Variants in CACNG5 observed in about 807,000 individuals in gnomAD.
The protein encoded by CACNG5 is calcium voltage-gated channel auxiliary subunit gamma 5, also known as voltage-dependent calcium channel gamma-5 subunit.
Under a neutral mutation model 24.8 loss-of-function variants are expected in CACNG5, and 18 were observed. That is an observed-to-expected ratio of 0.73 (90% confidence interval 0.50 to 1.08). CACNG5 has a LOEUF of 1.08. Ranked by LOEUF, CACNG5 falls within the 50% of genes least tolerant of loss-of-function variation. The pLI is 0.00. For synonymous variants in CACNG5, 157 were observed against 149.1 expected (o/e 1.05, Z -0.39); for missense variants, 349 against 367.9 (o/e 0.95, Z 0.42).
intron 1 of CACNG5, among the ~76,000 whole-genome samples, chr17:66,859,187 T>C (rs1037271773): frequency 6.6e-6 from 1 of 152,194 alleles, no homozygotes; most frequent in Non-Finnish European, 1.5e-5. Context: ...GTAAAGTTTT[T>C]TTCTCTCCTT....
intron 1 of CACNG5, among the ~76,000 whole-genome samples, chr17:66,867,180 T>C (rs1178110483): frequency 1.3e-5 from 2 of 152,254 alleles, no homozygotes; most frequent in African/African-American, 2.4e-5. Context: ...CATGAGATGG[T>C]ATCTCATTGT....
rs531517106 is a variant in CACNG5, at chr17:66,884,634, C to T, written c.543C>T (p.Phe181=). The part of the protein sequence containing the change: ...FNYKYGWSFA[F]AAISFLLTES... ...ACAAGTATGGGTGGTCGTTTGCCTT[C>T]GCCGCCATCTCCTTCCTTTTAACGG... The change falls in exon 5 of 6, where the codon TTC becomes TTT. Residue 181 remains phenylalanine (F), a synonymous_variant. Coordinates refer to ENST00000533854, the MANE Select transcript of CACNG5 (RefSeq NM_145811.3). The T allele has an allele frequency of 7.4e-6, 12 of 1,614,146 alleles. No individual in the cohort carries two copies. Among genetic ancestry groups the T allele is most frequent in the African/African-American group, 5.3e-5 (4 of 75,046 alleles).
At chr17:66,858,698 C>T in intron 1 of CACNG5, among the ~76,000 whole-genome samples, 1 of 143,586 alleles carries the variant, frequency 7.0e-6, no homozygotes. Context: ...CCCACCTTCT[C>T]ACCAACTGTC....
chr17:66,871,530 T>C (rs1304357540), intron 1 of CACNG5, among the ~76,000 whole-genome samples: 1 of 152,184 alleles, frequency 6.6e-6, no homozygotes, highest in Non-Finnish European at 1.5e-5. Context: ...TATTATTGGC[T>C]TGAGCAGGGG....
chr17:66,884,800 T>C, intron 5 of CACNG5, 139 bp downstream of exon 5: 1 of 1,613,258 alleles, frequency 6.2e-7, no homozygotes, highest in Non-Finnish European at 8.5e-7. Context: ...CCCTTCCTCA[T>C]CCCAGAATGT....
chr17:66,877,133 C>G, intron 1 of CACNG5, 97 bp from the exon 2 acceptor site: 1 of 560,958 alleles, frequency 1.8e-6, no homozygotes, highest in Non-Finnish European at 3.2e-6. Context: ...GTTGCAGTGA[C>G]CTGGTGTCCA....
intron 1 of CACNG5, among the ~76,000 whole-genome samples, chr17:66,857,374 C>T (rs1381756444): frequency 1.3e-5 from 2 of 151,942 alleles, no homozygotes; most frequent in Non-Finnish European, 2.9e-5. Flanking sequence ...CTGGCTGGTC[C>T]GTACACCAGC....
intron 4 of CACNG5, among the ~76,000 whole-genome samples, chr17:66,883,075 A>G (rs932386879): frequency 1.3e-5 from 2 of 152,110 alleles, no homozygotes; most frequent in Non-Finnish European, 2.9e-5. Flanking sequence ...TCTTCCATCT[A>G]TCAACCCATC....
intron 4 of CACNG5, among the ~76,000 whole-genome samples, chr17:66,883,935 C>T (rs546027771): frequency 2.7e-4 from 41 of 152,196 alleles, no homozygotes; most frequent in Admixed American, 4.6e-4. Flanking sequence ...GAGTTCGAGA[C>T]CAACCTTGCC....
chr17:66,859,843 T>C (rs12952247), intron 1 of CACNG5, among the ~76,000 whole-genome samples: 21,516 of 151,710 alleles, frequency 0.14, 1,817 homozygotes, highest in East Asian at 0.38. Flanking sequence ...CTCCTCCCCC[T>C]TCCCCTCTTC....
rs1345971374 is a variant in CACNG5 at position 66,885,681 on chromosome 17, A to T, written c.*441A>T. Among the ~76,000 whole-genome samples, 20 of 152,168 alleles carry T rather than the reference A, an allele frequency of 1.3e-4. No individual in the cohort carries two copies. The highest frequency in any genetic ancestry group is 1.3e-3 in the Admixed American group (20 of 15,280). ...CTTGCCAACTGGCCTGGCCATTCACATTCAAGATCTGCACCATCTGGCCGA... is the reference window on the plus strand; with the variant it reads ...CTTGCCAACTGGCCTGGCCATTCACTTTCAAGATCTGCACCATCTGGCCGA... On this transcript the variant is annotated 3_prime_UTR_variant, in exon 6 of 6. Coordinates refer to ENST00000533854, the MANE Select transcript of CACNG5 (RefSeq NM_145811.3).
intron 3 of CACNG5, among the ~76,000 whole-genome samples, chr17:66,879,407 G>A (rs971003074): frequency 2.6e-5 from 4 of 152,092 alleles, no homozygotes; most frequent in South Asian, 2.1e-4. Context: ...GGAGTTAACA[G>A]AGACTCCACA....
intron 1 of CACNG5, among the ~76,000 whole-genome samples, chr17:66,855,183 G>A (rs1976757658): frequency 6.6e-6 from 1 of 152,240 alleles, no homozygotes; most frequent in Non-Finnish European, 1.5e-5. Context: ...TACTGAATGA[G>A]ACTCAGAAAG....
intron 1 of CACNG5, among the ~76,000 whole-genome samples, chr17:66,848,119 C>T (rs1976662710): frequency 6.6e-6 from 1 of 152,228 alleles, no homozygotes; most frequent in African/African-American, 2.4e-5. Context: ...AACTCCAGCT[C>T]CACCTGAGAC....
chr17:66,881,928 G>C (rs1013212038), intron 4 of CACNG5, among the ~76,000 whole-genome samples: 3 of 152,084 alleles, frequency 2.0e-5, no homozygotes, highest in African/African-American at 7.2e-5. Flanking sequence ...GAGAGACTGG[G>C]GAAGGCATCT....
At chr17:66,870,373 C>A (rs1976988543) in intron 1 of CACNG5, among the ~76,000 whole-genome samples, 1 of 152,200 alleles carries the variant, frequency 6.6e-6, no homozygotes, top group African/African-American at 2.4e-5. Context: ...CACATACTCT[C>A]TAAACAAGTG....
chr17:66,860,548 C>T (rs1180963959), intron 1 of CACNG5, among the ~76,000 whole-genome samples: 3 of 149,978 alleles, frequency 2.0e-5, no homozygotes, highest in East Asian at 2.0e-4. Flanking sequence ...AGCAACAAAA[C>T]GATCCTCCAA....
chr17:66,868,943 C>G (rs950285213), intron 1 of CACNG5, among the ~76,000 whole-genome samples: 1 of 152,150 alleles, frequency 6.6e-6, no homozygotes, highest in African/African-American at 2.4e-5. Flanking sequence ...CTGCAGGGAG[C>G]AAATGCCATG....
At chr17:66,847,645 A>G (rs2143037546) in intron 1 of CACNG5, among the ~76,000 whole-genome samples, 1 of 152,208 alleles carries the variant, frequency 6.6e-6, no homozygotes, top group Non-Finnish European at 1.5e-5. Context: ...GACACAGCCA[A>G]ACCATATCAC....
Sources: allele counts gnomAD v4.1 joint callset (sites outside exome capture counted in the v4.1 genomes callset), GRCh38; gene constraint gnomAD v4.1.1; transcripts MANE v1.5; gene names NCBI Gene and HGNC (gene_info 2026-07-23, HGNC 2026-07-21).